The following AGBL4 variants were observed in gnomAD, a reference collection of about 807,000 sequenced individuals.
AGBL4 encodes the protein AGBL carboxypeptidase 4, also known as cytosolic carboxypeptidase 6.
A neutral mutation model predicts 66.4 loss-of-function variants in AGBL4; 58 were observed. The ratio of observed to expected loss-of-function variants is 0.87; its 90% CI spans 0.71 to 1.09. The LOEUF is 1.09. Among genes scored for constraint, AGBL4 ranks in the 50% least tolerant of loss-of-function variants. AGBL4 has a pLI of 0.00. For missense variants in AGBL4, 579 were observed against 631.0 expected, an observed-to-expected ratio of 0.92 and a Z score of 0.88; for synonymous variants, 234 against 222.9, an observed-to-expected ratio of 1.05 and a Z score of -0.44.
chr1:49,330,384 G>A (rs1313380791), intron 3 of AGBL4, among the ~76,000 whole-genome samples: 1 of 152,116 alleles, frequency 6.6e-6, no homozygotes, highest in African/African-American at 2.4e-5. Context: ...GCTCCACTCT[G>A]CACAAGTCTG....
At chr1:49,173,841 G>C (rs896158046) in intron 4 of AGBL4, among the ~76,000 whole-genome samples, 1 of 152,064 alleles carries the variant, frequency 6.6e-6, no homozygotes, top group Non-Finnish European at 1.5e-5. Flanking sequence ...AAAGACCAAG[G>C]CGTAGTTAAG....
At chr1:48,613,776 A>G (rs1172147617) in intron 9 of AGBL4, among the ~76,000 whole-genome samples, 2 of 152,262 alleles carry the variant, frequency 1.3e-5, no homozygotes, top group African/African-American at 4.8e-5. Context: ...CTTATAGAGC[A>G]TGGACATGAA....
At chr1:48,551,880 C>A (rs1454607173) in intron 11 of AGBL4, among the ~76,000 whole-genome samples, 1 of 151,942 alleles carries the variant, frequency 6.6e-6, no homozygotes, top group African/African-American at 2.4e-5. Context: ...CTGCCCATCA[C>A]CCTAATGGGG....
chr1:49,831,996 T>G (rs868041166), intron 2 of AGBL4, among the ~76,000 whole-genome samples: 5 of 151,958 alleles, frequency 3.3e-5, no homozygotes, highest in African/African-American at 1.2e-4. Context: ...TTTTTTAATT[T>G]TATTTTATTA....
intron 4 of AGBL4, among the ~76,000 whole-genome samples, chr1:49,207,591 T>TTTCTTTCTTTCC (rs1557729998): frequency 6.7e-6 from 1 of 148,460 alleles, no homozygotes; most frequent in Non-Finnish European, 1.5e-5. Flanking sequence ...TCTTTCTTTC[T>TTTCTTTCTTTCC]TTCTTTCTTT....
chr1:49,124,307 A>G (rs556944437), intron 4 of AGBL4, among the ~76,000 whole-genome samples: 2 of 152,212 alleles, frequency 1.3e-5, no homozygotes, highest in Non-Finnish European at 2.9e-5. Flanking sequence ...CAGAATGAAG[A>G]ACAGAAAGGT....
At chr1:50,013,592 T>C (rs1016673768) in intron 1 of AGBL4, among the ~76,000 whole-genome samples, 16 of 152,232 alleles carry the variant, frequency 1.1e-4, no homozygotes, top group African/African-American at 3.9e-4. Flanking sequence ...TAATCACTGC[T>C]ATTCTTGTGA....
At chr1:49,828,859 A>G (rs1280197250) in intron 2 of AGBL4, among the ~76,000 whole-genome samples, 1 of 152,124 alleles carries the variant, frequency 6.6e-6, no homozygotes, top group Non-Finnish European at 1.5e-5. Flanking sequence ...TCACGAGGTC[A>G]GGAGATCAAG....
chr1:49,286,229 T>A (rs1377003960), intron 3 of AGBL4, among the ~76,000 whole-genome samples: 1 of 152,098 alleles, frequency 6.6e-6, no homozygotes, highest in African/African-American at 2.4e-5. Flanking sequence ...ATAAGAGCTA[T>A]CTATGACAAA....
chr1:49,936,878 C>T (rs892447230), intron 1 of AGBL4, among the ~76,000 whole-genome samples: 1 of 152,156 alleles, frequency 6.6e-6, no homozygotes, highest in Non-Finnish European at 1.5e-5. Context: ...CCAGCCACTA[C>T]AAAATCATGC....
chr1:49,655,947 G>A (rs1646119923), intron 3 of AGBL4, among the ~76,000 whole-genome samples: 1 of 152,176 alleles, frequency 6.6e-6, no homozygotes, highest in Admixed American at 6.5e-5. Context: ...AGCAGTTCAA[G>A]ACCAGCCTGA....
intron 11 of AGBL4, among the ~76,000 whole-genome samples, chr1:48,563,250 G>A (rs1222080287): frequency 1.3e-5 from 2 of 152,204 alleles, no homozygotes; most frequent in Non-Finnish European, 2.9e-5. Flanking sequence ...ACTAGCAGCA[G>A]TCAAAAGAAT....
intron 1 of AGBL4, among the ~76,000 whole-genome samples, chr1:49,944,065 G>T (rs1430476770): frequency 1.3e-5 from 2 of 151,934 alleles, no homozygotes; most frequent in Non-Finnish European, 2.9e-5. Context: ...AGGAAAGTCT[G>T]AGCTCAGACA....
At chr1:49,023,526 T>G (rs1037233417) in intron 5 of AGBL4, among the ~76,000 whole-genome samples, 2 of 152,182 alleles carry the variant, frequency 1.3e-5, no homozygotes, top group Admixed American at 6.6e-5. Context: ...TTTTAAGATT[T>G]CAAATATGGA....
chr1:48,826,570 A>G (rs1185420747), intron 6 of AGBL4, among the ~76,000 whole-genome samples: 3 of 152,212 alleles, frequency 2.0e-5, no homozygotes, highest in Admixed American at 6.5e-5. Flanking sequence ...AGGTTAAGAA[A>G]ATTTGGAAAT....
chr1:49,089,637 T>C (rs750346378), intron 4 of AGBL4, among the ~76,000 whole-genome samples: 1 of 151,768 alleles, frequency 6.6e-6, no homozygotes, highest in Non-Finnish European at 1.5e-5. Flanking sequence ...TAGGACCAGA[T>C]GGAAGCACAG....
At chr1:49,400,801 C>G (rs1024250324) in intron 3 of AGBL4, among the ~76,000 whole-genome samples, 2 of 152,136 alleles carry the variant, frequency 1.3e-5, no homozygotes, top group Non-Finnish European at 2.9e-5. Flanking sequence ...AAAATTGTAT[C>G]ATTTGCAAAC....
chr1:49,602,363 T>C (rs955338130), intron 3 of AGBL4, among the ~76,000 whole-genome samples: 5 of 152,184 alleles, frequency 3.3e-5, no homozygotes, highest in Non-Finnish European at 7.3e-5. Context: ...CAAAGGATTA[T>C]AAATCATTCT....
intron 5 of AGBL4, among the ~76,000 whole-genome samples, chr1:48,917,436 A>G (rs981170169): frequency 1.3e-5 from 2 of 152,152 alleles, no homozygotes; most frequent in Non-Finnish European, 2.9e-5. Context: ...TTTTGATAAT[A>G]TTTATCCTTA....
Sources: gnomAD v4.1 joint callset for allele counts (sites outside exome capture counted in the v4.1 genomes callset) on GRCh38, gnomAD v4.1.1 for gene constraint, MANE v1.5 for transcripts, NCBI Gene and HGNC (gene_info 2026-07-23, HGNC 2026-07-21) for gene names.